Variants in PRSS23 observed in about 807,000 individuals in gnomAD.
PRSS23 encodes the protein serine protease 23.
A neutral mutation model predicts 34.7 loss-of-function variants in PRSS23; 25 were observed. The ratio of observed to expected loss-of-function variants is 0.72; its 90% CI spans 0.53 to 1.01. The LOEUF (loss-of-function observed/expected upper bound fraction) is 1.01. Ranked by LOEUF, PRSS23 falls within the 50% of genes least tolerant of loss-of-function variation. PRSS23 has a pLI of 0.00. For synonymous variants in PRSS23, 176 were observed against 186.6 expected, an observed-to-expected ratio of 0.94 and a Z score of 0.46; for missense variants, 445 against 475.6, an observed-to-expected ratio of 0.94 and a Z score of 0.60.
chr11:86,890,379 T>G (rs1201793210), intron 2 of PRSS23, among the ~76,000 whole-genome samples: 1 of 152,194 alleles, frequency 6.6e-6, no homozygotes, highest in Non-Finnish European at 1.5e-5. Context: ...GCCATCTTTA[T>G]GCCAGAACAA....
intron 2 of PRSS23, chr11:86,946,112 T>C (rs1174717898): frequency 2.0e-5 from 3 of 152,330 alleles, no homozygotes; most frequent in Non-Finnish European, 4.4e-5. Context: ...CCCTGTGAGG[T>C]AGACAAAATT....
Position 86,939,434 on chromosome 11 carries a change from AC to A in PRSS23, c.207-11781del, listed in dbSNP as rs1350205707. On this transcript the variant is annotated intron_variant, in intron 2 of 2. Coordinates refer to the PRSS23 transcript ENST00000533902. Reference sequence around the variant, plus strand: ...TATATATATATATATATATTTTTTAACATGAGTAAAAATTGCAAATGTTCAG... The same window carrying A: ...TATATATATATATATATATTTTTTAAATGAGTAAAAATTGCAAATGTTCAG... Among the ~76,000 whole-genome samples the A allele has an allele frequency of 7.9e-5, 5 of 63,010 alleles. No individual in the cohort carries two copies. In the East Asian group the frequency reaches 1.9e-3, roughly 24 times the overall value. The allele number at this position is 63,010 out of a possible 152,430, so 41.3% of individuals were successfully genotyped here.
chr11:86,943,278 T>C (rs1462466081), intron 2 of PRSS23, among the ~76,000 whole-genome samples: 1 of 152,252 alleles, frequency 6.6e-6, no homozygotes, highest in Non-Finnish European at 1.5e-5. Context: ...GATCTCATTA[T>C]TGAGAAAGGT....
At chr11:86,883,166 C>T (rs139466382) in intron 2 of PRSS23, among the ~76,000 whole-genome samples, 9 of 152,088 alleles carry the variant, frequency 5.9e-5, no homozygotes, top group African/African-American at 1.7e-4. Flanking sequence ...CTGTTTACTC[C>T]GTTGAAAAAA....
intron 2 of PRSS23, among the ~76,000 whole-genome samples, chr11:86,845,453 G>T (rs1824477244): frequency 6.6e-6 from 1 of 152,142 alleles, no homozygotes; most frequent in African/African-American, 2.4e-5. Flanking sequence ...TAGACATCAT[G>T]CAGTGGGCAC....
intron 2 of PRSS23, chr11:86,945,562 C>T (rs1187363602): frequency 6.6e-6 from 1 of 152,216 alleles, no homozygotes; most frequent in African/African-American, 2.4e-5. Context: ...AAGAGGCCCT[C>T]AGAAAGCAGT....
chr11:86,850,812 C>G (rs779754637), intron 2 of PRSS23, among the ~76,000 whole-genome samples: 13 of 152,166 alleles, frequency 8.5e-5, no homozygotes, highest in Non-Finnish European at 1.6e-4. Context: ...GTAGACAAAA[C>G]CTAAGTTGCA....
intron 2 of PRSS23, among the ~76,000 whole-genome samples, chr11:86,942,806 T>C (rs549477280): frequency 6.6e-6 from 1 of 152,302 alleles, no homozygotes; most frequent in South Asian, 2.1e-4. Flanking sequence ...CTTTTGCAGG[T>C]CCAACACATC....
At chr11:86,938,905 A>G (rs1231436251) in intron 2 of PRSS23, 2 of 354,020 alleles carry the variant, frequency 5.6e-6, no homozygotes, top group South Asian at 4.4e-5. Flanking sequence ...TCAGTAAGAC[A>G]TATACACCAG....
rs2135040927 is a variant in PRSS23 at position 86,951,866 on chromosome 11, A to T, written c.*581A>T. 6.2e-7 allele frequency: 1 copy of T among 1,613,710 alleles called. No homozygotes were observed. On this transcript the variant is annotated 3_prime_UTR_variant, in exon 3 of 3. Coordinates refer to the PRSS23 transcript ENST00000533902. The stretch of plus-strand genomic sequence containing the variant: ...AATTATTGCACATCCTGTGTTCTTA[A>T]GTCCTTCTTGGATGAGAACAGGTTC...
At chr11:86,930,520 G>C (rs964374493) in intron 2 of PRSS23, among the ~76,000 whole-genome samples, 1 of 152,114 alleles carries the variant, frequency 6.6e-6, no homozygotes, top group Non-Finnish European at 1.5e-5. Context: ...GGCCGGGCGC[G>C]GCGGCTCACG....
intron 1 of PRSS23, among the ~76,000 whole-genome samples, chr11:86,805,290 T>A (rs1021706511): frequency 6.6e-6 from 1 of 152,140 alleles, no homozygotes; most frequent in Non-Finnish European, 1.5e-5. Context: ...ATCAGAACCA[T>A]GCCCCACAGA....
intron 2 of PRSS23, among the ~76,000 whole-genome samples, chr11:86,864,388 G>A (rs539930098): frequency 7.9e-5 from 12 of 152,270 alleles, no homozygotes; most frequent in Non-Finnish European, 1.2e-4. Flanking sequence ...GGAGGCTGGC[G>A]GTTCATGTGT....
chr11:86,832,336 T>G (rs764859519), intron 2 of PRSS23, among the ~76,000 whole-genome samples: 6 of 152,172 alleles, frequency 3.9e-5, no homozygotes, highest in Non-Finnish European at 7.4e-5. Context: ...TAGGGAAATA[T>G]GGCTTCTAAT....
chr11:86,825,981 A>G (rs1270583560), intron 2 of PRSS23, among the ~76,000 whole-genome samples: 3 of 152,186 alleles, frequency 2.0e-5, no homozygotes, highest in African/African-American at 7.2e-5. Context: ...TTGGTTCCAT[A>G]TGAACTTTAA....
At chr11:86,899,924 C>A (rs891706121) in intron 2 of PRSS23, among the ~76,000 whole-genome samples, 3 of 151,274 alleles carry the variant, frequency 2.0e-5, no homozygotes, top group African/African-American at 7.3e-5. Flanking sequence ...ACTGAAAAGG[C>A]TAGATTTTTA....
At chr11:86,913,091 T>G (rs1015040582) in intron 2 of PRSS23, among the ~76,000 whole-genome samples, 2 of 152,186 alleles carry the variant, frequency 1.3e-5, no homozygotes, top group African/African-American at 4.8e-5. Flanking sequence ...TAGAGTTTTA[T>G]ACATAAAATT....
At chr11:86,803,839 T>A (rs1948068532) in intron 1 of PRSS23, among the ~76,000 whole-genome samples, 1 of 152,198 alleles carries the variant, frequency 6.6e-6, no homozygotes. Context: ...TCTCAAACAG[T>A]GGTCCTGTTG....
chr11:86,794,214 GA>G (rs898006211), intron 1 of PRSS23, among the ~76,000 whole-genome samples: 13 of 151,870 alleles, frequency 8.6e-5, no homozygotes, highest in African/African-American at 1.4e-4. Context: ...AAAGATTTCA[GA>G]AAAAAAATTT....
Sources: allele counts gnomAD v4.1 joint callset (sites outside exome capture counted in the v4.1 genomes callset), GRCh38; gene constraint gnomAD v4.1.1; transcripts MANE v1.5; gene names NCBI Gene and HGNC (gene_info 2026-07-23, HGNC 2026-07-21).